Variants in XXYLT1 observed in about 807,000 individuals in gnomAD.
XXYLT1 encodes xyloside xylosyltransferase 1.
Under a neutral mutation model 28.9 loss-of-function variants are expected in XXYLT1, and 20 were observed. That is an observed-to-expected ratio of 0.69 (90% confidence interval 0.49 to 1.00). The LOEUF (loss-of-function observed/expected upper bound fraction) is 1.00, where lower values mean the gene tolerates loss of function less well. Ranked by LOEUF, XXYLT1 falls within the 50% of genes least tolerant of loss-of-function variation. The pLI, the probability that XXYLT1 is intolerant of heterozygous loss-of-function variation, is 0.00. For synonymous variants in XXYLT1, 257 were observed against 253.8 expected, an observed-to-expected ratio of 1.01 and a Z score of -0.12; for missense variants, 542 against 560.1, an observed-to-expected ratio of 0.97 and a Z score of 0.33.
At chr3:195,107,682 A>G (rs4989375) in intron 3 of XXYLT1, among the ~76,000 whole-genome samples, 54,501 of 61,698 alleles carry the variant, frequency 0.88, 24,284 homozygotes, top group African/African-American at 0.94. Flanking sequence ...GAGGAGAGCC[A>G]CAAGTGCCAG....
intron 3 of XXYLT1, among the ~76,000 whole-genome samples, chr3:195,071,514 G>A (rs940406975): frequency 6.6e-5 from 10 of 152,268 alleles, no homozygotes; most frequent in South Asian, 2.1e-4. Context: ...CATTCCCTCC[G>A]GACATTCTTA....
intron 3 of XXYLT1, among the ~76,000 whole-genome samples, chr3:195,101,075 C>T (rs1306411383): frequency 2.0e-5 from 3 of 152,386 alleles, no homozygotes; most frequent in African/African-American, 7.2e-5. Context: ...TGGCGCAATC[C>T]CAGCAGCTCC....
chr3:195,097,459 C>T (rs545613836), intron 3 of XXYLT1, among the ~76,000 whole-genome samples: 1 of 152,332 alleles, frequency 6.6e-6, no homozygotes, highest in African/African-American at 2.4e-5. Flanking sequence ...CGTGCCACCA[C>T]ATGCAAGCAC....
intron 3 of XXYLT1, among the ~76,000 whole-genome samples, chr3:195,106,805 C>T (rs1185019645): frequency 6.6e-6 from 1 of 152,202 alleles, no homozygotes. Context: ...GTCTGGCTTC[C>T]GTCCTAAGAC....
chr3:195,254,507 G>A (rs1725401174), intron 1 of XXYLT1, among the ~76,000 whole-genome samples: 1 of 152,256 alleles, frequency 6.6e-6, no homozygotes, highest in Admixed American at 6.5e-5. Flanking sequence ...TAAGTCTGTA[G>A]GCTGCGGGAT....
intron 3 of XXYLT1, among the ~76,000 whole-genome samples, chr3:195,112,511 CA>C (rs879677762): frequency 0.59 from 83,879 of 141,250 alleles, 24,730 homozygotes; most frequent in Non-Finnish European, 0.67. Context: ...CACCCACACA[CA>C]CCCACACACA....
At chr3:195,119,719 C>G (rs1718244259) in intron 3 of XXYLT1, among the ~76,000 whole-genome samples, 1 of 152,200 alleles carries the variant, frequency 6.6e-6, no homozygotes, top group South Asian at 2.1e-4. Context: ...TGCTGAGTCT[C>G]CCGAATGCCT....
At chr3:195,074,369 G>A (rs1349704613) in intron 3 of XXYLT1, among the ~76,000 whole-genome samples, 1 of 152,208 alleles carries the variant, frequency 6.6e-6, no homozygotes, top group Non-Finnish European at 1.5e-5. Flanking sequence ...CAGCATCTGG[G>A]CCTCCTCCCA....
intron 1 of XXYLT1, among the ~76,000 whole-genome samples, chr3:195,245,482 C>T (rs116230308): frequency 6.6e-6 from 1 of 152,052 alleles, no homozygotes; most frequent in Non-Finnish European, 1.5e-5. Flanking sequence ...CAGTGTGGCC[C>T]AGGGAAGCCA....
At position 195,232,933 on chromosome 3, in the gene XXYLT1, T is replaced by C. The variant is rs1351763745; in HGVS notation, c.505-6077A>G. 2.6e-5 allele frequency among the ~76,000 whole-genome samples: 4 copies of C among 152,318 alleles called. No individual in the cohort carries two copies. The East Asian group carries it at 7.7e-4, about 29-fold the overall frequency. Reference sequence around the variant, plus strand: ...GCAGATTAAGTCTGATGTTTCTTTGTTGATTTTCTGTCTGGATGATCTGTC... The same window carrying C: ...GCAGATTAAGTCTGATGTTTCTTTGCTGATTTTCTGTCTGGATGATCTGTC... On this transcript the variant is annotated intron_variant, in intron 1 of 3. Transcript: ENST00000310380.
chr3:195,261,486 G>T (rs1243575396), intron 1 of XXYLT1, among the ~76,000 whole-genome samples: 7 of 152,088 alleles, frequency 4.6e-5, no homozygotes, highest in African/African-American at 1.7e-4. Flanking sequence ...AGAAAAAGGG[G>T]AGGGGAGGGG....
intron 3 of XXYLT1, among the ~76,000 whole-genome samples, chr3:195,101,952 A>AGGGGAGGGGAGGGGCCG (rs1553802172): frequency 3.2e-5 from 1 of 30,850 alleles, no homozygotes; most frequent in African/African-American, 1.5e-4. Flanking sequence ...AGGGAAAGGG[A>AGGGGAGGGGAGGGGCCG]GGGGAGGGGA....
At position 195,255,167 on chromosome 3, in the gene XXYLT1, A is replaced by G. The variant is rs1166941550; in HGVS notation, c.504+15388T>C. Among the ~76,000 whole-genome samples the G allele has an allele frequency of 6.6e-6, 1 of 152,192 alleles. No homozygotes were observed. On this transcript the variant is annotated intron_variant, in intron 1 of 3. Transcript: ENST00000310380. The surrounding 1 kb of genome is among the most constrained non-coding windows in gnomAD (Gnocchi z 4.5). ...GAGGGAATGCAGTCCCTCAGCAAGGAGCTTCAGTCGGACTAAACCAGCAGA... is the reference window on the plus strand; with the variant it reads ...GAGGGAATGCAGTCCCTCAGCAAGGGGCTTCAGTCGGACTAAACCAGCAGA...
Position 195,270,978 on chromosome 3 carries a change from C to G in XXYLT1, c.81G>C (p.Leu27=). 6.7e-7 allele frequency: 1 copy of G among 1,486,516 alleles called. No individual in the cohort carries two copies. Among genetic ancestry groups the G allele is most frequent in the African/African-American group, 1.5e-5 (1 of 68,426 alleles). 92.1% of individuals were successfully genotyped at this position (1,486,516 alleles called of 1,614,324 possible). ...AGACGGCCAGCGCCGCGGCCAGCAGCAGGGCGCAGTAGTGGGAGCGCACAG... is the reference window on the plus strand; with the variant it reads ...AGACGGCCAGCGCCGCGGCCAGCAGGAGGGCGCAGTAGTGGGAGCGCACAG... ...LGAVRSHYCA[L]LLAAALAVCA... The change falls in exon 1 of 4, where the codon CTG becomes CTC. Residue 27 remains leucine, a synonymous_variant. Transcript: ENST00000310380.
intron 3 of XXYLT1, among the ~76,000 whole-genome samples, chr3:195,116,602 G>C (rs907059029): frequency 6.6e-6 from 1 of 152,140 alleles, no homozygotes; most frequent in African/African-American, 2.4e-5. Flanking sequence ...AGCTCTCACC[G>C]GCTTGCAACT....
chr3:195,140,273 T>C (rs1418709711), intron 3 of XXYLT1, among the ~76,000 whole-genome samples: 1 of 152,162 alleles, frequency 6.6e-6, no homozygotes, highest in Non-Finnish European at 1.5e-5. Context: ...AATTAGCAAA[T>C]TAGTCTATAG....
At chr3:195,139,955 C>T (rs1474487406) in intron 3 of XXYLT1, among the ~76,000 whole-genome samples, 1 of 152,192 alleles carries the variant, frequency 6.6e-6, no homozygotes, top group East Asian at 1.9e-4. Flanking sequence ...GGCGACATCT[C>T]CCGAGCCCTA....
chr3:195,261,829 C>A (rs1725708689), intron 1 of XXYLT1, among the ~76,000 whole-genome samples: 1 of 152,184 alleles, frequency 6.6e-6, no homozygotes, highest in Non-Finnish European at 1.5e-5. Context: ...TCACTTCACA[C>A]CCACTAGAAT....
chr3:195,142,804 G>T (rs562427204), intron 3 of XXYLT1, among the ~76,000 whole-genome samples: 1 of 152,312 alleles, frequency 6.6e-6, no homozygotes, highest in African/African-American at 2.4e-5. Context: ...GGATGGTGAA[G>T]TGGGAAGCAG....
Sources: gnomAD v4.1 joint callset for allele counts (sites outside exome capture counted in the v4.1 genomes callset) on GRCh38, gnomAD v4.1.1 for gene constraint, Gnocchi (gnomAD v3.1) non-coding constraint, MANE v1.5 for transcripts, NCBI Gene and HGNC (gene_info 2026-07-23, HGNC 2026-07-21) for gene names.